The following VGLL3 variants were observed in gnomAD, a reference collection of about 807,000 sequenced individuals.
The protein encoded by VGLL3 is transcription cofactor vestigial-like protein 3.
In VGLL3, 18 loss-of-function variants were observed where a neutral mutation model predicts 29.2. That is an observed-to-expected ratio of 0.62 (90% confidence interval 0.43 to 0.91). The LOEUF is 0.91. VGLL3 is among the 40% of genes least tolerant of loss of function. The pLI is 0.00. For synonymous variants in VGLL3, 180 were observed against 151.8 expected, an observed-to-expected ratio of 1.19 and a Z score of -1.36; for missense variants, 440 against 413.2, an observed-to-expected ratio of 1.06 and a Z score of -0.56.
chr3:86,990,696 G>T lies in VGLL3; in HGVS notation c.48C>A (p.Ser16=), dbSNP rs372258815. The T allele has an allele frequency of 7.0e-7, 1 of 1,431,996 alleles. No homozygotes were observed. The highest frequency in any genetic ancestry group is 2.7e-5 in the East Asian group (1 of 36,710). 88.7% of individuals were successfully genotyped at this position (1,431,996 alleles called of 1,614,324 possible). A position where few individuals can be genotyped will look rare whatever the true frequency, so the allele number is the denominator to read the frequency against. Residue 16 remains serine, a synonymous_variant, in exon 1 of 4, where the codon TCC becomes TCA. Coordinates refer to ENST00000398399, the MANE Select transcript of VGLL3 (RefSeq NM_016206.4). The part of the protein sequence containing the change: ...VMYHPQPYGA[S]QYLPNPMAAT... Reference sequence around the variant, plus strand: ...CTGCCATGGGGTTGGGCAGATACTGGGACGCTCCATAAGGCTGGGGGTGAT... The same window carrying T: ...CTGCCATGGGGTTGGGCAGATACTGTGACGCTCCATAAGGCTGGGGGTGAT...
rs1174313680 is a variant in VGLL3, at chr3:86,944,908, C to A, written c.*2116G>T. On this transcript the variant is annotated 3_prime_UTR_variant, in exon 4 of 4. Transcript: ENST00000398399. Reference sequence around the variant, plus strand: ...AGGCAAATAACCCTGTCAGTCATCACACAGGGACTGTTGAATACTTGCCTT... The same window carrying A: ...AGGCAAATAACCCTGTCAGTCATCAAACAGGGACTGTTGAATACTTGCCTT... 1.3e-5 allele frequency: 2 copies of A among 152,198 alleles called. No homozygotes were observed. The highest frequency in any genetic ancestry group is 6.5e-5 in the Admixed American group (1 of 15,284). 9.4% of individuals were successfully genotyped at this position (152,198 alleles called of 1,614,324 possible).
rs777369980 is a variant in VGLL3 at position 86,969,008 on chromosome 3, A to G, written c.519T>C (p.Thr173=). The change falls in exon 3 of 4, where the codon ACT becomes ACC. Residue 173 remains threonine, a synonymous_variant. Transcript: ENST00000398399. The part of the protein sequence containing the change: ...LGGVHPDFQV[T]GPPGTFSAAD... ...CTGCAGAAAAGGTGCCAGGGGGTCC[A>G]GTGACCTGGAAGTCAGGATGAACTC... 1.9e-6 allele frequency: 3 copies of G among 1,614,170 alleles called. No homozygotes were observed. The highest frequency in any genetic ancestry group is 2.2e-5 in the South Asian group (2 of 91,076).
intron 3 of VGLL3, among the ~76,000 whole-genome samples, chr3:86,967,380 C>G (rs1575869685): frequency 6.6e-6 from 1 of 152,274 alleles, no homozygotes; most frequent in East Asian, 1.9e-4. Context: ...AGAGGGATTA[C>G]CAAGTCCCCT....
At chr3:86,967,098 C>T (rs905640437) in intron 3 of VGLL3, among the ~76,000 whole-genome samples, 11 of 151,910 alleles carry the variant, frequency 7.2e-5, no homozygotes, top group African/African-American at 1.9e-4. Flanking sequence ...GCAATAATCA[C>T]ATCCATTTCC....
At chr3:86,990,285 A>T in intron 1 of VGLL3, 2 of 984,130 alleles carry the variant, frequency 2.0e-6, no homozygotes, top group Non-Finnish European at 2.4e-6. Context: ...GTTGGTTGAA[A>T]GGAAGTTTAC....
chr3:86,944,610 C>T lies in VGLL3; in HGVS notation c.*2414G>A, dbSNP rs2106950245. The T allele has an allele frequency of 6.6e-6, 1 of 152,334 alleles. No individual in the cohort carries two copies. The highest frequency in any genetic ancestry group is 2.1e-4 in the South Asian group (1 of 4,822). The allele number at this position is 152,334 out of a possible 1,614,324, so 9.4% of individuals were successfully genotyped here. A position where few individuals can be genotyped will look rare whatever the true frequency, so the allele number is the denominator to read the frequency against. On this transcript the variant is annotated 3_prime_UTR_variant, in exon 4 of 4. Coordinates refer to ENST00000398399, the MANE Select transcript of VGLL3 (RefSeq NM_016206.4). ...AATCTTTCCTGTGTACAGCAGAAACCAGGTTCCCAACATTTCTCAGTTCCT... is the reference window on the plus strand; with the variant it reads ...AATCTTTCCTGTGTACAGCAGAAACTAGGTTCCCAACATTTCTCAGTTCCT...
chr3:86,983,546 AT>A (rs951826352), intron 1 of VGLL3, among the ~76,000 whole-genome samples: 36 of 151,852 alleles, frequency 2.4e-4, no homozygotes, highest in African/African-American at 8.0e-4. Context: ...TGCTGGCCTT[AT>A]TTTTTATTCT....
In VGLL3 at chr3:86,981,394, T is replaced by C. The variant is rs544239032; in HGVS notation, c.127-2592A>G. ...ATATTTTTCAATATGCAATGGGAAA[T>C]AGTAAGCAAAAGCTGCCCCTGCATT... On this transcript the variant is annotated intron_variant, in intron 1 of 3. Transcript: ENST00000398399. Among the ~76,000 whole-genome samples, 163 of 152,110 alleles carry C rather than the reference T, an allele frequency of 1.1e-3. 1 individual carries two copies. Among genetic ancestry groups the C allele is most frequent in the African/African-American group, 3.8e-3 (157 of 41,532 alleles).
At position 86,990,639 on chromosome 3, in the gene VGLL3, C is replaced by G; in HGVS notation, c.105G>C (p.Pro35=). Residue 35 remains proline (P), a synonymous_variant, in exon 1 of 4, where the codon CCG becomes CCC. Transcript: ENST00000398399. ...TCACCTGCTGGCCAGGTTGGGGCGC[C>G]GGCTGATAGTAGGCTGTGGGGCAGG... ...ATTCPTAYYQ[P]APQPGQQKKL... is the part of the protein sequence containing the mutation. 2 of 1,371,112 alleles carry G rather than the reference C, an allele frequency of 1.5e-6. No homozygotes were observed. The highest frequency in any genetic ancestry group is 1.9e-6 in the Non-Finnish European group (2 of 1,054,256). The allele number at this position is 1,371,112 out of a possible 1,614,324, so 84.9% of individuals were successfully genotyped here.
chr3:86,951,248 T>C (rs2106965856), intron 3 of VGLL3, among the ~76,000 whole-genome samples: 1 of 152,312 alleles, frequency 6.6e-6, no homozygotes, highest in Non-Finnish European at 1.5e-5. Context: ...TTTGGGCTGC[T>C]ATACCAAAAT....
rs986975284 is a variant in VGLL3 at position 86,943,380 on chromosome 3, A to C, written c.*3644T>G. 1 of 152,228 alleles carries C rather than the reference A, an allele frequency of 6.6e-6. No individual in the cohort carries two copies. Among genetic ancestry groups the C allele is most frequent in the African/African-American group, 2.4e-5 (1 of 41,458 alleles). 9.4% of individuals were successfully genotyped at this position (152,228 alleles called of 1,614,324 possible). A position where few individuals can be genotyped will look rare whatever the true frequency, so the allele number is the denominator to read the frequency against. ...TTATAAATACAACATTAAACCAGAT[A>C]GCAAACTCAAAAGCTAGATAGGGTG... On this transcript the variant is annotated 3_prime_UTR_variant, in exon 4 of 4. Coordinates refer to ENST00000398399, the MANE Select transcript of VGLL3 (RefSeq NM_016206.4).
chr3:86,943,981 T>C lies in VGLL3; in HGVS notation c.*3043A>G, dbSNP rs904597999. ...TTAATAAAATTGTGGAGGCAGATAG[T>C]AGCCCTCAATAAAACAGTTCGGAAG... On this transcript the variant is annotated 3_prime_UTR_variant, in exon 4 of 4. Coordinates refer to ENST00000398399, the MANE Select transcript of VGLL3 (RefSeq NM_016206.4). The C allele has an allele frequency of 3.3e-5, 5 of 152,158 alleles. No individual in the cohort carries two copies. Among genetic ancestry groups the C allele is most frequent in the Middle Eastern group, 3.2e-3 (1 of 316 alleles). 9.4% of individuals were successfully genotyped at this position (152,158 alleles called of 1,614,324 possible).
chr3:86,949,695 G>A lies in VGLL3; in HGVS notation c.938-2628C>T, dbSNP rs183771096. Among the ~76,000 whole-genome samples the A allele has an allele frequency of 4.0e-5, 6 of 151,706 alleles. No individual in the cohort carries two copies. The South Asian group carries it at 6.3e-4, about 16-fold the overall frequency. Reference sequence around the variant, plus strand: ...CAAAAAATTAGCCGGGCGTGATGGCGGGCGCCCTGTAGTCCCAGCTACTCG... The same window carrying A: ...CAAAAAATTAGCCGGGCGTGATGGCAGGCGCCCTGTAGTCCCAGCTACTCG... On this transcript the variant is annotated intron_variant, in intron 3 of 3. Coordinates refer to ENST00000398399, the MANE Select transcript of VGLL3 (RefSeq NM_016206.4).
intron 1 of VGLL3, among the ~76,000 whole-genome samples, chr3:86,985,876 A>C (rs2107071139): frequency 6.6e-6 from 1 of 152,302 alleles, no homozygotes; most frequent in Non-Finnish European, 1.5e-5. Flanking sequence ...AGCCTATGGA[A>C]GTGAGAACCA....
At chr3:86,967,253 C>A (rs1704984172) in intron 3 of VGLL3, among the ~76,000 whole-genome samples, 1 of 152,120 alleles carries the variant, frequency 6.6e-6, no homozygotes, top group Non-Finnish European at 1.5e-5. Flanking sequence ...AAATTGGGAA[C>A]TCTAATAAGA....
chr3:86,947,581 A>G (rs1026654592), intron 3 of VGLL3, among the ~76,000 whole-genome samples: 3 of 152,134 alleles, frequency 2.0e-5, no homozygotes, highest in East Asian at 1.9e-4. Flanking sequence ...ATGGCTAAAA[A>G]CTGAGTCTAC....
intron 1 of VGLL3, among the ~76,000 whole-genome samples, chr3:86,980,210 G>C (rs1285091138): frequency 2.0e-5 from 3 of 150,134 alleles, no homozygotes; most frequent in Admixed American, 1.3e-4. Context: ...AGAATACCCA[G>C]TAATTTTTCA....
In VGLL3 at chr3:86,939,066, A is replaced by G. The variant is rs2232716; in HGVS notation, c.*7958T>C. On this transcript the variant is annotated 3_prime_UTR_variant, in exon 4 of 4. Transcript: ENST00000398399. ...ACCCTTTGGATTCTGAAGCACTATA[A>G]TAACTACATGAAACATTTGAAATAG... The G allele has an allele frequency of 0.064, 9,710 of 152,276 alleles. 953 individuals carry two copies. Among genetic ancestry groups the G allele is most frequent in the African/African-American group, 0.21 (8,817 of 41,512 alleles). 9.4% of individuals were successfully genotyped at this position (152,276 alleles called of 1,614,324 possible).
intron 3 of VGLL3, 117 bp downstream of exon 3, chr3:86,968,472 TA>T: frequency 8.2e-7 from 1 of 1,219,596 alleles, no homozygotes; most frequent in Non-Finnish European, 1.1e-6. Context: ...CTAGGTTCCA[TA>T]AACATGTTGG....
Sources: allele counts gnomAD v4.1 joint callset (sites outside exome capture counted in the v4.1 genomes callset), GRCh38; gene constraint gnomAD v4.1.1; transcripts MANE v1.5; gene names NCBI Gene and HGNC (gene_info 2026-07-23, HGNC 2026-07-21).